HSF2: variants seen among roughly 807,000 people sequenced by gnomAD.
The protein encoded by HSF2 is heat shock transcription factor 2, also known as heat shock factor protein 2.
HSF2 carries 21 observed loss-of-function variants against 65.0 expected under a neutral mutation model. The observed-to-expected ratio is 0.32, with a 90% CI of 0.23 to 0.47. HSF2 has a LOEUF of 0.47. Among genes scored for constraint, HSF2 ranks in the 20% least tolerant of loss-of-function variants. HSF2 has a pLI of 1.00. For synonymous variants in HSF2, 225 were observed against 219.1 expected, an observed-to-expected ratio of 1.03 and a Z score of -0.24; for missense variants, 499 against 628.1, an observed-to-expected ratio of 0.79 and a Z score of 2.20.
chr6:122,408,877 TGTCG>T (rs1773924395), intron 1 of HSF2, among the ~76,000 whole-genome samples: 1 of 149,552 alleles, frequency 6.7e-6, no homozygotes, highest in Non-Finnish European at 1.5e-5. Context: ...CATCAAATGT[TGTCG>T]GGTGACTTAG....
intron 1 of HSF2, among the ~76,000 whole-genome samples, chr6:122,406,391 T>C (rs557336458): frequency 1.2e-4 from 18 of 152,204 alleles, no homozygotes; most frequent in African/African-American, 4.3e-4. Flanking sequence ...CCCATGTGAT[T>C]AGAATATCTT....
chr6:122,418,464 A>G (rs183704460), intron 5 of HSF2, among the ~76,000 whole-genome samples: 7 of 152,342 alleles, frequency 4.6e-5, no homozygotes, highest in Non-Finnish European at 8.8e-5. Flanking sequence ...AAACACTACT[A>G]TAAGATATGA....
rs370900019 is a variant in HSF2 at position 122,402,834 on chromosome 6, G to C, written c.93+3004G>C. On this transcript the variant is annotated intron_variant, in intron 1 of 12. Transcript: ENST00000368455. ...CCCAAAGTGTTGAGATTACAGGTGT[G>C]AGCCACCGGCGCCCAGGTACTCTCA... 2.6e-5 allele frequency among the ~76,000 whole-genome samples: 4 copies of C among 152,118 alleles called. No individual in the cohort carries two copies. The South Asian group carries it at 8.3e-4, about 32-fold the overall frequency.
intron 7 of HSF2, among the ~76,000 whole-genome samples, chr6:122,420,973 A>C (rs1232914685): frequency 6.6e-6 from 1 of 151,088 alleles, no homozygotes; most frequent in African/African-American, 2.4e-5. Context: ...CAGCCTCCCA[A>C]AGTTTTGGGA....
intron 1 of HSF2, among the ~76,000 whole-genome samples, chr6:122,406,682 G>A (rs189789196): frequency 1.3e-5 from 2 of 152,240 alleles, no homozygotes; most frequent in East Asian, 3.9e-4. Flanking sequence ...TCATAAATTT[G>A]GTTTGAACTA....
chr6:122,413,455 T>A, intron 3 of HSF2, 70 bp from the exon 4 acceptor site: 1 of 1,182,116 alleles, frequency 8.5e-7, no homozygotes. Context: ...CCTCTTCTAA[T>A]AGGGAAGCTT....
chr6:122,422,420 C>A, intron 8 of HSF2, 122 bp downstream of exon 8: 1 of 855,684 alleles, frequency 1.2e-6, no homozygotes, highest in Non-Finnish European at 1.9e-6. Context: ...GATTATTAAA[C>A]TTGATAATTA....
rs1360782683 is a variant in HSF2 at position 122,424,709 on chromosome 6, C to G, written c.1176+1023C>G. 2.0e-5 allele frequency among the ~76,000 whole-genome samples: 3 copies of G among 151,990 alleles called. No individual in the cohort carries two copies. The East Asian group carries it at 5.8e-4, about 29-fold the overall frequency. On this transcript the variant is annotated intron_variant, in intron 10 of 12. Transcript: ENST00000368455. ...TGAATTTTGTATCCATGTTGATAAC[C>G]TACTTCAACTTAGCGGTAACCTGAC...
intron 4 of HSF2, among the ~76,000 whole-genome samples, chr6:122,415,756 G>A (rs906716644): frequency 6.6e-6 from 1 of 152,130 alleles, no homozygotes. Flanking sequence ...GCTCATGCCT[G>A]TAATCGCAGC....
chr6:122,420,047 ATG>A, intron 6 of HSF2, 86 bp from the exon 7 acceptor site: 35 of 1,277,292 alleles, frequency 2.7e-5, no homozygotes, highest in Admixed American at 5.4e-5. Flanking sequence ...GTGAGTGTGC[ATG>A]TGTGTGTGTT....
At chr6:122,429,069 G>C (rs1173405680) in intron 11 of HSF2, among the ~76,000 whole-genome samples, 1 of 152,034 alleles carries the variant, frequency 6.6e-6, no homozygotes, top group Non-Finnish European at 1.5e-5. Flanking sequence ...TGGTTGTGTT[G>C]CAAAAAAACT....
intron 5 of HSF2, among the ~76,000 whole-genome samples, chr6:122,418,202 T>A (rs1774164567): frequency 6.6e-6 from 1 of 152,224 alleles, no homozygotes; most frequent in Non-Finnish European, 1.5e-5. Context: ...GATATACTAC[T>A]TTTTATAGTT....
intron 1 of HSF2, among the ~76,000 whole-genome samples, chr6:122,405,100 C>G (rs1773838541): frequency 6.6e-6 from 1 of 151,886 alleles, no homozygotes; most frequent in African/African-American, 2.4e-5. Context: ...ATGGAGCTTA[C>G]ATTGAGTGGT....
At position 122,422,834 on chromosome 6, in the gene HSF2, G is replaced by C; in HGVS notation, c.947G>C (p.Ser316Thr). Reference protein sequence around the residue: ...EPARESLSSGSDGSSPLMSSA... With the variant: ...EPARESLSSGTDGSSPLMSSA... ...GCCAGAGAATCCCTAAGTTCAGGCA[G>C]TGATGGCAGCAGCCCTCTCATGTCT... is the stretch of plus-strand genomic sequence containing the variant. Residue 316 changes from serine (S) to threonine (T), a missense_variant, in exon 9 of 13, where the codon AGT (serine) becomes ACT (threonine). Around this residue, in one of 2 missense-constraint regions of HSF2, gnomAD observed 349 missense variants for 393.5 expected, o/e 0.89. Transcript: ENST00000368455. 1 of 1,613,788 alleles carries C rather than the reference G, an allele frequency of 6.2e-7. No individual in the cohort carries two copies. Among genetic ancestry groups the C allele is most frequent in the East Asian group, 2.2e-5 (1 of 44,872 alleles).
intron 12 of HSF2, among the ~76,000 whole-genome samples, 170 bp downstream of exon 12, chr6:122,431,684 GT>G (rs3085253): frequency 6.7e-6 from 1 of 149,072 alleles, no homozygotes. Flanking sequence ...AATTCTTTAA[GT>G]TTTTTTTTTT....
chr6:122,403,176 G>C (rs1167656973), intron 1 of HSF2, among the ~76,000 whole-genome samples: 1 of 151,932 alleles, frequency 6.6e-6, no homozygotes, highest in Non-Finnish European at 1.5e-5. Context: ...TTTGCAATAT[G>C]ACAAAATTGA....
intron 5 of HSF2, 38 bp from the exon 6 acceptor site, chr6:122,419,130 C>T: frequency 1.1e-6 from 1 of 944,898 alleles, no homozygotes; most frequent in Non-Finnish European, 1.7e-6. Flanking sequence ...AAAGAATTAA[C>T]AGTATAATGA....
In HSF2 at chr6:122,432,266, G is replaced by T. The variant is rs771565644; in HGVS notation, c.*46G>T. On this transcript the variant is annotated 3_prime_UTR_variant, in exon 13 of 13. Coordinates refer to ENST00000368455, the MANE Select transcript of HSF2 (RefSeq NM_004506.4). The stretch of plus-strand genomic sequence containing the variant: ...ACATGTATATATTCATCAAAATGAT[G>T]AACTATTTATTTTAAAGTATCATTT... The T allele has an allele frequency of 4.2e-6, 6 of 1,418,616 alleles. No homozygotes were observed. Among genetic ancestry groups the T allele is most frequent in the Non-Finnish European group, 4.8e-6 (5 of 1,034,540 alleles). The allele number at this position is 1,418,616 out of a possible 1,614,324, so 87.9% of individuals were successfully genotyped here.
Position 122,433,085 on chromosome 6 carries a change from A to AT in HSF2, c.*868dup, listed in dbSNP as rs1774512772. 6.6e-6 allele frequency: 1 copy of AT among 152,212 alleles called. No individual in the cohort carries two copies. Among genetic ancestry groups the AT allele is most frequent in the African/African-American group, 2.4e-5 (1 of 41,456 alleles). The allele number at this position is 152,212 out of a possible 1,614,324, so 9.4% of individuals were successfully genotyped here. A position where few individuals can be genotyped will look rare whatever the true frequency, so the allele number is the denominator to read the frequency against. ...TTCTCAATATGAATCATACCAAGAT[A>AT]TTTGTGCCTCATCTCGAAAATATAT... On this transcript the variant is annotated 3_prime_UTR_variant, in exon 13 of 13. Coordinates refer to ENST00000368455, the MANE Select transcript of HSF2 (RefSeq NM_004506.4).
Sources: allele counts gnomAD v4.1 joint callset (sites outside exome capture counted in the v4.1 genomes callset), GRCh38; gene constraint gnomAD v4.1.1; regional missense constraint gnomAD v4.1.1; transcripts MANE v1.5; gene names NCBI Gene and HGNC (gene_info 2026-07-23, HGNC 2026-07-21).